The following ZKSCAN5 variants were observed in gnomAD, a reference collection of about 807,000 sequenced individuals.
ZKSCAN5 encodes zinc finger protein with KRAB and SCAN domains 5.
In ZKSCAN5, 28 loss-of-function variants were observed where a neutral mutation model predicts 60.0. The ratio of observed to expected loss-of-function variants is 0.47; its 90% CI spans 0.35 to 0.64. The LOEUF is 0.64. ZKSCAN5 is among the 30% of genes least tolerant of loss of function. The pLI is 0.01. For missense variants in ZKSCAN5, 881 were observed against 1,034.6 expected (o/e 0.85, Z 2.04); for synonymous variants, 361 against 371.2 (o/e 0.97, Z 0.31).
At chr7:99,505,253 T>A (rs1800663915) in intron 1 of ZKSCAN5, 1 of 152,130 alleles carries the variant, frequency 6.6e-6, no homozygotes, top group Admixed American at 6.6e-5. Flanking sequence ...AGGGCAAGAT[T>A]GGACTTGGTT....
chr7:99,529,351 G>A (rs529675104), intron 6 of ZKSCAN5, among the ~76,000 whole-genome samples: 1 of 152,196 alleles, frequency 6.6e-6, no homozygotes, highest in Non-Finnish European at 1.5e-5. Flanking sequence ...ATGTTGGTCA[G>A]GCTGGTCTTG....
intron 5 of ZKSCAN5, among the ~76,000 whole-genome samples, chr7:99,522,301 T>C (rs1002586059): frequency 6.6e-6 from 1 of 152,132 alleles, no homozygotes; most frequent in African/African-American, 2.4e-5. Flanking sequence ...AGGCAGCAGT[T>C]TCCGTGGAGT....
chr7:99,520,049 C>A, intron 4 of ZKSCAN5, 120 bp from the exon 5 acceptor site: 1 of 1,499,394 alleles, frequency 6.7e-7, no homozygotes, highest in Non-Finnish European at 9.1e-7. Context: ...CCTAGTCCTT[C>A]CCCATCCTCT....
In ZKSCAN5 at chr7:99,520,198, T is replaced by A. The variant is rs1319929584; in HGVS notation, c.666T>A (p.Asp222Glu). The change falls in exon 5 of 7, where the codon GAT becomes GAA. Residue 222 changes from aspartate (D) to glutamate (E), a missense_variant. Physicochemically the swap from Asp to Glu is conservative, Grantham distance 45. This residue lies in a region of ZKSCAN5 where 490 missense variants were observed against 554.5 expected (regional missense o/e 0.88). Coordinates refer to ENST00000326775, the MANE Select transcript of ZKSCAN5 (RefSeq NM_145102.4). ...QKLVKIEEVA[D>E]VAVSFILEEW... is the part of the protein sequence containing the mutation. The stretch of plus-strand genomic sequence containing the variant: ...TGGTGAAAATTGAAGAGGTGGCTGA[T>A]GTGGCTGTATCCTTCATCCTGGAGG... The A allele has an allele frequency of 8.7e-6, 14 of 1,613,740 alleles. No homozygotes were observed. In the Admixed American group the frequency reaches 2.3e-4, roughly 27 times the overall value.
At chr7:99,525,759 TTTC>T in intron 5 of ZKSCAN5, 51 bp from the exon 6 acceptor site, 1 of 1,550,956 alleles carries the variant, frequency 6.4e-7, no homozygotes, top group Non-Finnish European at 8.7e-7. Flanking sequence ...CCTCATTTTA[TTTC>T]TTCAAATTCA....
In ZKSCAN5 at chr7:99,533,211, G is replaced by T. The variant is rs34670419; in HGVS notation, c.*962G>T. 20,165 of 659,584 alleles carry T rather than the reference G, an allele frequency of 0.031. 467 individuals carry two copies. Among genetic ancestry groups the T allele is most frequent in the Non-Finnish European group, 0.036 (12,828 of 357,672 alleles). The allele number at this position is 659,584 out of a possible 1,614,324, so 40.9% of individuals were successfully genotyped here. On this transcript the variant is annotated 3_prime_UTR_variant, in exon 7 of 7. Transcript: ENST00000326775. ...TGTAGAGTGGTGATATACAGAATGA[G>T]TTTCAGTTTGCATTGCAGCTGGGAT...
chr7:99,505,894 C>T (rs1288725609), intron 1 of ZKSCAN5, 111 bp from the exon 2 acceptor site: 2 of 890,530 alleles, frequency 2.2e-6, no homozygotes, highest in South Asian at 1.8e-5. Flanking sequence ...GTATAGATGA[C>T]CTCTTTGCCA....
At chr7:99,521,938 C>G (rs1801557453) in intron 5 of ZKSCAN5, among the ~76,000 whole-genome samples, 1 of 151,944 alleles carries the variant, frequency 6.6e-6, no homozygotes, top group African/African-American at 2.4e-5. Context: ...GTTACTCTTG[C>G]TTTATCTTTT....
chr7:99,530,182 C>A (rs903367107), intron 6 of ZKSCAN5, among the ~76,000 whole-genome samples: 1 of 151,766 alleles, frequency 6.6e-6, no homozygotes, highest in Non-Finnish European at 1.5e-5. Flanking sequence ...TACAGGCGCC[C>A]GCCACCATGC....
At chr7:99,509,189 A>G (rs1474260484) in intron 2 of ZKSCAN5, among the ~76,000 whole-genome samples, 2 of 151,988 alleles carry the variant, frequency 1.3e-5, no homozygotes, top group Non-Finnish European at 2.9e-5. Flanking sequence ...GGGTTTCGCC[A>G]TGTTGGCCAG....
chr7:99,506,406 C>T lies in ZKSCAN5; in HGVS notation c.362C>T (p.Ala121Val). The change falls in exon 2 of 7, where the codon GCG becomes GTG. Residue 121 changes from alanine (A) to valine (V), a missense_variant. Coordinates refer to ENST00000326775, the MANE Select transcript of ZKSCAN5 (RefSeq NM_145102.4). Reference sequence around the variant, plus strand: ...CATCACCCTGAAAGTGGAGAAGAGGCGGTGGCCGTGATAGAAAATATACAG... The same window carrying T: ...CATCACCCTGAAAGTGGAGAAGAGGTGGTGGCCGTGATAGAAAATATACAG... ...REHHPESGEE[A>V]VAVIENIQRE... is the part of the protein sequence containing the mutation. 2 of 1,613,948 alleles carry T rather than the reference C, an allele frequency of 1.2e-6. No individual in the cohort carries two copies. The highest frequency in any genetic ancestry group is 2.2e-5 in the East Asian group (1 of 44,890).
intron 2 of ZKSCAN5, among the ~76,000 whole-genome samples, chr7:99,508,891 C>G (rs953775494): frequency 6.6e-6 from 1 of 151,264 alleles, no homozygotes; most frequent in African/African-American, 2.4e-5. Context: ...TTGGCTTACC[C>G]TCCACCTCCC....
chr7:99,512,673 G>A (rs746296961), intron 3 of ZKSCAN5, 82 bp downstream of exon 3: 1 of 1,519,826 alleles, frequency 6.6e-7, no homozygotes, highest in African/African-American at 1.4e-5. Flanking sequence ...CTGCGGGAGA[G>A]AGACTCTAGG....
chr7:99,519,273 A>ATTT (rs536984886), intron 3 of ZKSCAN5, among the ~76,000 whole-genome samples: 1 of 112,664 alleles, frequency 8.9e-6, no homozygotes, highest in African/African-American at 3.4e-5. Context: ...CACGCCCAGT[A>ATTT]TTTTTTTTTT....
At chr7:99,531,048 C>G in intron 6 of ZKSCAN5, 60 bp from the exon 7 acceptor site, 1 of 1,442,642 alleles carries the variant, frequency 6.9e-7, no homozygotes, top group Admixed American at 2.2e-5. Context: ...CAGAGCAAGA[C>G]CCCATCTCAA....
In ZKSCAN5 at chr7:99,524,833, G is replaced by A. The variant is rs141020258; in HGVS notation, c.773-980G>A. ...TTCACAGGAAGAGGAAGGTGAAGAT[G>A]GGGTTAGCTGCATAACCTGCTATCC... is the stretch of plus-strand genomic sequence containing the variant. On this transcript the variant is annotated intron_variant, in intron 5 of 6. Coordinates refer to ENST00000326775, the MANE Select transcript of ZKSCAN5 (RefSeq NM_145102.4). 5.6e-3 allele frequency among the ~76,000 whole-genome samples: 845 copies of A among 152,238 alleles called. 6 individuals are homozygous for A. The highest frequency in any genetic ancestry group is 0.02 in the African/African-American group (813 of 41,538).
Position 99,534,674 on chromosome 7 carries a change from TAAAAAAAAAAAAAAAAA to T in ZKSCAN5, c.*2435_*2451del. ...GCCCAGTTGACAGAGCGACAGTGTC[TAAAAAAAAAAAAAAAAA>T]AAAAAAAAACATTTTTTGGAGAGAT... On this transcript the variant is annotated 3_prime_UTR_variant, in exon 7 of 7. Coordinates refer to ENST00000326775, the MANE Select transcript of ZKSCAN5 (RefSeq NM_145102.4). 1 of 55,104 alleles carries T rather than the reference TAAAAAAAAAAAAAAAAA, an allele frequency of 1.8e-5. No individual in the cohort carries two copies. Among genetic ancestry groups the T allele is most frequent in the African/African-American group, 6.7e-5 (1 of 15,030 alleles). The allele number at this position is 55,104 out of a possible 1,614,324, so 3.4% of individuals were successfully genotyped here.
intron 5 of ZKSCAN5, among the ~76,000 whole-genome samples, chr7:99,522,047 T>C (rs1801560723): frequency 6.6e-6 from 1 of 152,234 alleles, no homozygotes; most frequent in African/African-American, 2.4e-5. Flanking sequence ...GTGTAGTTTC[T>C]GATGTTTTTC....
chr7:99,530,864 C>G (rs567030716), intron 6 of ZKSCAN5, among the ~76,000 whole-genome samples: 2 of 152,078 alleles, frequency 1.3e-5, no homozygotes, highest in African/African-American at 2.4e-5. Context: ...TGAGACCAGC[C>G]TGGCCAACAT....
Sources: gnomAD v4.1 joint callset for allele counts (sites outside exome capture counted in the v4.1 genomes callset) on GRCh38, gnomAD v4.1.1 for gene constraint, gnomAD v4.1.1 regional missense constraint, MANE v1.5 for transcripts, NCBI Gene and HGNC (gene_info 2026-07-23, HGNC 2026-07-21) for gene names.